The following BRINP1 variants were observed in gnomAD, a reference collection of about 807,000 sequenced individuals.
The protein encoded by BRINP1 is BMP/retinoic acid-inducible neural-specific protein 1.
A neutral mutation model predicts 72.9 loss-of-function variants in BRINP1; 17 were observed. That is an observed-to-expected ratio of 0.23 (90% confidence interval 0.16 to 0.35). The LOEUF is 0.35. Ranked by LOEUF, BRINP1 falls within the 10% of genes least tolerant of loss-of-function variation. The pLI is 1.00. For missense variants in BRINP1, 850 were observed against 1,001.6 expected, an observed-to-expected ratio of 0.85 and a Z score of 2.04; for synonymous variants, 418 against 378.5, an observed-to-expected ratio of 1.10 and a Z score of -1.21.
chr9:119,271,557 G>T (rs1830605105), intron 2 of BRINP1, among the ~76,000 whole-genome samples: 1 of 151,666 alleles, frequency 6.6e-6, no homozygotes, highest in Non-Finnish European at 1.5e-5. Context: ...TTTACTTATT[G>T]TTTATATATG....
intron 7 of BRINP1, among the ~76,000 whole-genome samples, chr9:119,193,022 G>A (rs1588160023): frequency 6.6e-6 from 1 of 152,002 alleles, no homozygotes; most frequent in Non-Finnish European, 1.5e-5. Context: ...ATGTCTTACT[G>A]TATACTTTAA....
At chr9:119,313,440 A>G (rs1831090345) in intron 1 of BRINP1, 35 bp from the exon 2 acceptor site, 9 of 1,490,116 alleles carry the variant, frequency 6.0e-6, no homozygotes, top group Non-Finnish European at 8.0e-6. Flanking sequence ...GAGAGAAAAA[A>G]AGAGAAACCA....
chr9:119,272,062 AT>A (rs1375662626), intron 2 of BRINP1, among the ~76,000 whole-genome samples: 1 of 132,526 alleles, frequency 7.5e-6, no homozygotes, highest in East Asian at 2.3e-4. Context: ...ATTATTATTT[AT>A]TTATTTACTT....
rs548509062 is a variant in BRINP1 at position 119,344,112 on chromosome 9, C to T, written c.-51+24944G>A. Among the ~76,000 whole-genome samples the T allele has an allele frequency of 4.6e-5, 7 of 152,286 alleles. No homozygotes were observed. In the East Asian group the frequency reaches 9.7e-4, roughly 21 times the overall value. ...TCAGAGGAGCTCAGTCTGTTTCCCA[C>T]TCTGCTGTGATTCTTTTTGTTTCCC... On this transcript the variant is annotated intron_variant, in intron 1 of 7. Coordinates refer to ENST00000265922, the MANE Select transcript of BRINP1 (RefSeq NM_014618.3).
chr9:119,273,022 G>A (rs1189183778), intron 2 of BRINP1, among the ~76,000 whole-genome samples: 1 of 152,212 alleles, frequency 6.6e-6, no homozygotes, highest in Non-Finnish European at 1.5e-5. Context: ...CAGGCCAGCA[G>A]CCAGGGCTTC....
At chr9:119,288,802 T>TG (rs982379743) in intron 2 of BRINP1, among the ~76,000 whole-genome samples, 10 of 152,240 alleles carry the variant, frequency 6.6e-5, no homozygotes, top group African/African-American at 2.4e-4. Flanking sequence ...TGTTTTGTTT[T>TG]TTTTTTTAGA....
chr9:119,243,769 G>A (rs111628918), intron 3 of BRINP1, among the ~76,000 whole-genome samples: 59 of 152,266 alleles, frequency 3.9e-4, no homozygotes, highest in African/African-American at 1.3e-3. Flanking sequence ...TTTAAAAGGA[G>A]CTTATGTGAC....
rs1169804884 is a variant in BRINP1 at position 119,167,864 on chromosome 9, G to A, written c.1506C>T (p.His502=). Residue 502 remains histidine, a synonymous_variant, in exon 8 of 8, where the codon CAC becomes CAT. Transcript: ENST00000265922. This position sits in a 1 kb window ranked among gnomAD's most constrained non-coding sequence, Gnocchi z 4.3. ...LQKMDSRLYV[H]TTFISNEIRL... ...GGATCTCGTTGCTGATGAAGGTGGT[G>A]TGGACGTAGAGGCGTGAGTCCATCT... 3 of 1,614,090 alleles carry A rather than the reference G, an allele frequency of 1.9e-6. No individual in the cohort carries two copies. The highest frequency in any genetic ancestry group is 2.7e-5 in the African/African-American group (2 of 74,948).
At chr9:119,349,229 C>T (rs1179956427) in intron 1 of BRINP1, among the ~76,000 whole-genome samples, 2 of 152,042 alleles carry the variant, frequency 1.3e-5, no homozygotes, top group African/African-American at 4.8e-5. Context: ...AGTGTAAAAA[C>T]CAAAATGTGT....
chr9:119,203,146 C>G (rs1265820112), intron 7 of BRINP1, among the ~76,000 whole-genome samples: 1 of 152,146 alleles, frequency 6.6e-6, no homozygotes, highest in Non-Finnish European at 1.5e-5. Context: ...CGTCCCAAAC[C>G]CAGTGCAGTC....
chr9:119,292,648 A>G (rs985302411), intron 2 of BRINP1, among the ~76,000 whole-genome samples: 2 of 152,214 alleles, frequency 1.3e-5, no homozygotes, highest in African/African-American at 4.8e-5. Context: ...TCCAACTTCT[A>G]GTATGAAAAG....
At chr9:119,321,471 A>C (rs1587960091) in intron 1 of BRINP1, among the ~76,000 whole-genome samples, 1 of 151,990 alleles carries the variant, frequency 6.6e-6, no homozygotes. Context: ...GAATAATGGA[A>C]TTTATTTATT....
rs368759599 is a variant in BRINP1, at chr9:119,313,263, G to A, written c.93C>T (p.Asp31=). ...QPSHQEPAGT[D]QHVSKEFDWL... ...AATCAAATTCCTTGGAGACATGTTG[G>A]TCTGTCCCAGCTGGTTCCTGGTGGG... Residue 31 remains aspartate, a synonymous_variant, in exon 2 of 8, where the codon GAC becomes GAT. Coordinates refer to ENST00000265922, the MANE Select transcript of BRINP1 (RefSeq NM_014618.3). The A allele has an allele frequency of 6.2e-7, 1 of 1,614,026 alleles. No individual in the cohort carries two copies. The highest frequency in any genetic ancestry group is 1.3e-5 in the African/African-American group (1 of 74,924).
At chr9:119,270,617 C>T (rs1830596885) in intron 2 of BRINP1, among the ~76,000 whole-genome samples, 1 of 152,056 alleles carries the variant, frequency 6.6e-6, no homozygotes, top group Non-Finnish European at 1.5e-5. Flanking sequence ...ATGAATCTTC[C>T]ATTAGCTGAG....
chr9:119,324,128 G>T (rs1411799569), intron 1 of BRINP1, among the ~76,000 whole-genome samples: 1 of 151,764 alleles, frequency 6.6e-6, no homozygotes, highest in Non-Finnish European at 1.5e-5. Context: ...AAGATTTCAT[G>T]AATTAAAACA....
chr9:119,355,016 A>G (rs1831545856), intron 1 of BRINP1, among the ~76,000 whole-genome samples: 1 of 152,226 alleles, frequency 6.6e-6, no homozygotes, highest in South Asian at 2.1e-4. Flanking sequence ...AATTGAGAAA[A>G]CAGAACTAAA....
intron 5 of BRINP1, among the ~76,000 whole-genome samples, chr9:119,220,793 C>G (rs1018119050): frequency 1.3e-5 from 2 of 152,044 alleles, no homozygotes; most frequent in African/African-American, 4.8e-5. Flanking sequence ...ATATGGAAGA[C>G]TTTGTAATGG....
At chr9:119,233,110 T>C (rs1047656282) in intron 5 of BRINP1, among the ~76,000 whole-genome samples, 5 of 152,036 alleles carry the variant, frequency 3.3e-5, no homozygotes, top group Non-Finnish European at 5.9e-5. Context: ...TAGAGTGCCA[T>C]TGATATTGTT....
chr9:119,233,022 C>T (rs201970603), intron 5 of BRINP1, among the ~76,000 whole-genome samples: 1 of 147,594 alleles, frequency 6.8e-6, no homozygotes, highest in South Asian at 2.1e-4. Flanking sequence ...CCTGTTCTTT[C>T]TTTTTTTTTT....
Sources: allele counts gnomAD v4.1 joint callset (sites outside exome capture counted in the v4.1 genomes callset), GRCh38; gene constraint gnomAD v4.1.1; non-coding constraint Gnocchi (gnomAD v3.1); transcripts MANE v1.5; gene names NCBI Gene and HGNC (gene_info 2026-07-23, HGNC 2026-07-21).